CYP39A1: variants seen among roughly 807,000 people sequenced by gnomAD.
The protein encoded by CYP39A1 is cytochrome P450 family 39 subfamily A member 1.
In CYP39A1, 49 loss-of-function variants were observed where a neutral mutation model predicts 58.1. That is an observed-to-expected ratio of 0.84 (90% CI 0.67 to 1.07). The LOEUF (loss-of-function observed/expected upper bound fraction) is 1.07, where lower values mean the gene tolerates loss of function less well. Ranked by LOEUF, CYP39A1 falls within the 50% of genes least tolerant of loss-of-function variation. CYP39A1 has a pLI of 0.00. For synonymous variants in CYP39A1, 209 were observed against 187.6 expected (o/e 1.11, Z -0.93); for missense variants, 531 against 539.4 (o/e 0.98, Z 0.16).
intron 10 of CYP39A1, among the ~76,000 whole-genome samples, chr6:46,578,872 A>G (rs1195183423): frequency 3.3e-5 from 5 of 152,098 alleles, no homozygotes; most frequent in African/African-American, 4.8e-5. Context: ...TACCAGATAC[A>G]TAAAGAAGAG....
At chr6:46,570,911 C>T (rs1305552443) in intron 10 of CYP39A1, among the ~76,000 whole-genome samples, 1 of 152,288 alleles carries the variant, frequency 6.6e-6, no homozygotes, top group Non-Finnish European at 1.5e-5. Flanking sequence ...GACACACATC[C>T]ATACCATATC....
In CYP39A1 at chr6:46,556,627, A is replaced by G. The variant is rs1770678115; in HGVS notation, c.1251-2773T>C. 2.0e-5 allele frequency among the ~76,000 whole-genome samples: 3 copies of G among 152,274 alleles called. No homozygotes were observed. In the South Asian group the frequency reaches 6.2e-4, roughly 32 times the overall value. ...TTGTACAGCACATGGACCATTAGCTAGAGCTCTTAAATGGGTATTGCCTTA... is the reference window on the plus strand; with the variant it reads ...TTGTACAGCACATGGACCATTAGCTGGAGCTCTTAAATGGGTATTGCCTTA... On this transcript the variant is annotated intron_variant, in intron 10 of 11. Coordinates refer to ENST00000275016, the MANE Select transcript of CYP39A1 (RefSeq NM_016593.5).
chr6:46,644,947 T>C (rs1165789693), intron 1 of CYP39A1, among the ~76,000 whole-genome samples: 2 of 152,228 alleles, frequency 1.3e-5, no homozygotes, highest in Non-Finnish European at 2.9e-5. Flanking sequence ...TCTTCATTGA[T>C]ACATCTTGTG....
At chr6:46,602,378 G>A (rs953229774) in intron 7 of CYP39A1, among the ~76,000 whole-genome samples, 2 of 152,124 alleles carry the variant, frequency 1.3e-5, no homozygotes, top group Non-Finnish European at 2.9e-5. Flanking sequence ...TCAGCATCAC[G>A]TGGAAGGCTT....
At chr6:46,639,372 A>G (rs1776187201) in intron 3 of CYP39A1, 122 bp downstream of exon 3, 1 of 908,926 alleles carries the variant, frequency 1.1e-6, no homozygotes, top group African/African-American at 1.7e-5. Context: ...ATAATCTCTT[A>G]ATAGCCTAGT....
intron 10 of CYP39A1, among the ~76,000 whole-genome samples, chr6:46,567,477 A>C (rs984624290): frequency 1.3e-5 from 2 of 152,054 alleles, no homozygotes; most frequent in Non-Finnish European, 2.9e-5. Flanking sequence ...TTTCCTTTGG[A>C]TATATATCCA....
chr6:46,610,482 C>CT, intron 7 of CYP39A1, among the ~76,000 whole-genome samples: 1 of 152,042 alleles, frequency 6.6e-6, no homozygotes. Flanking sequence ...GCTGGGACTA[C>CT]AGATGCATGC....
At chr6:46,588,180 G>A in intron 8 of CYP39A1, 51 bp from the exon 9 acceptor site, 1 of 1,127,494 alleles carries the variant, frequency 8.9e-7, no homozygotes, top group Non-Finnish European at 1.3e-6. Flanking sequence ...ATACTTTAAA[G>A]AGAATTTGGG....
chr6:46,595,218 A>G (rs947581740), intron 8 of CYP39A1, among the ~76,000 whole-genome samples: 11 of 152,044 alleles, frequency 7.2e-5, no homozygotes, highest in Admixed American at 6.6e-5. Flanking sequence ...TGGGAATGTA[A>G]ATTAGTATAG....
At chr6:46,578,069 C>T (rs1771934299) in intron 10 of CYP39A1, among the ~76,000 whole-genome samples, 1 of 151,974 alleles carries the variant, frequency 6.6e-6, no homozygotes, top group Admixed American at 6.6e-5. Flanking sequence ...CAAAACCATA[C>T]CAACCACACT....
intron 7 of CYP39A1, 115 bp from the exon 8 acceptor site, chr6:46,596,235 A>G: frequency 4.5e-6 from 3 of 671,282 alleles, no homozygotes; most frequent in Non-Finnish European, 7.2e-6. Flanking sequence ...AAGTGTTCCT[A>G]TTACTATTAC....
rs753044233 is a variant in CYP39A1, at chr6:46,553,869, T to A, written c.1251-15A>T. ...GAGCAAACCACCTGGAAGAAACGAA[T>A]AAAATTGTTACTTGATTGTGAAAGA... On this transcript the variant is annotated splice_polypyrimidine_tract_variant and intron_variant, in intron 10 of 11. Transcript: ENST00000275016. 2 of 1,497,246 alleles carry A rather than the reference T, an allele frequency of 1.3e-6. No homozygotes were observed. The highest frequency in any genetic ancestry group is 2.4e-5 in the South Asian group (2 of 84,304). 92.7% of individuals were successfully genotyped at this position (1,497,246 alleles called of 1,614,324 possible). A position where few individuals can be genotyped will look rare whatever the true frequency, so the allele number is the denominator to read the frequency against.
intron 10 of CYP39A1, chr6:46,583,659 C>T: frequency 3.3e-6 from 3 of 907,276 alleles, no homozygotes; most frequent in Non-Finnish European, 2.6e-6. Flanking sequence ...CTTCCATGTG[C>T]TACAAGGAAG....
At chr6:46,632,822 G>A (rs1353436015) in intron 5 of CYP39A1, among the ~76,000 whole-genome samples, 1 of 151,864 alleles carries the variant, frequency 6.6e-6, no homozygotes, top group Non-Finnish European at 1.5e-5. Context: ...ATGCTATACT[G>A]GCCCCCTTAG....
chr6:46,591,659 G>T (rs1440328744), intron 8 of CYP39A1, among the ~76,000 whole-genome samples: 1 of 151,672 alleles, frequency 6.6e-6, no homozygotes, highest in African/African-American at 2.4e-5. Flanking sequence ...AAACTCTTTG[G>T]GATCTTCAAT....
At chr6:46,566,775 G>C (rs1233622524) in intron 10 of CYP39A1, among the ~76,000 whole-genome samples, 2 of 151,662 alleles carry the variant, frequency 1.3e-5, no homozygotes, top group East Asian at 3.9e-4. Context: ...AGATAAGATT[G>C]ACCTCAAAAT....
chr6:46,594,316 A>T (rs1315582131), intron 8 of CYP39A1, among the ~76,000 whole-genome samples: 7 of 152,136 alleles, frequency 4.6e-5, no homozygotes, highest in African/African-American at 1.7e-4. Flanking sequence ...AATTCTAATG[A>T]CATTTTTACA....
intron 2 of CYP39A1, among the ~76,000 whole-genome samples, chr6:46,640,575 T>A (rs986359340): frequency 6.6e-6 from 1 of 152,238 alleles, no homozygotes; most frequent in African/African-American, 2.4e-5. Context: ...TTATTTTATC[T>A]TGTTTTATTG....
chr6:46,609,349 G>A (rs1462851113), intron 7 of CYP39A1, among the ~76,000 whole-genome samples: 7 of 151,224 alleles, frequency 4.6e-5, no homozygotes, highest in African/African-American at 1.7e-4. Flanking sequence ...CTTGCAGTGA[G>A]CTGAGTCCGC....
Sources: allele counts gnomAD v4.1 joint callset (sites outside exome capture counted in the v4.1 genomes callset), GRCh38; gene constraint gnomAD v4.1.1; transcripts MANE v1.5; gene names NCBI Gene and HGNC (gene_info 2026-07-23, HGNC 2026-07-21).